LMO7: variants seen among roughly 807,000 people sequenced by gnomAD.
The protein encoded by LMO7 is LIM domain only protein 7.
In LMO7, 120 loss-of-function variants were observed where a neutral mutation model predicts 206.5. That is an observed-to-expected ratio of 0.58 (90% CI 0.50 to 0.68). The LOEUF is 0.68. LMO7 is among the 30% of genes least tolerant of loss of function. The pLI is 0.00. For missense variants in LMO7, 1,959 were observed against 1,957.9 expected (o/e 1.00, Z -0.01); for synonymous variants, 706 against 681.5 (o/e 1.04, Z -0.56).
At chr13:75,778,528 G>C (rs886357857) in intron 4 of LMO7, among the ~76,000 whole-genome samples, 1 of 152,220 alleles carries the variant, frequency 6.6e-6, no homozygotes, top group Non-Finnish European at 1.5e-5. Flanking sequence ...CACTGCGCCC[G>C]GCCAATCGAG....
chr13:75,736,051 G>T (rs2045795852), intron 3 of LMO7, among the ~76,000 whole-genome samples: 1 of 152,046 alleles, frequency 6.6e-6, no homozygotes, highest in South Asian at 2.1e-4. Flanking sequence ...GCCAGTGGAG[G>T]TTTTATTCAA....
chr13:75,628,417 A>T (rs1249961667), intron 2 of LMO7: 1 of 152,218 alleles, frequency 6.6e-6, no homozygotes, highest in Non-Finnish European at 1.5e-5. Flanking sequence ...CCAAGTATGG[A>T]ATTGAACCTT....
intron 1 of LMO7, among the ~76,000 whole-genome samples, chr13:75,673,122 A>AT (rs2039729819): frequency 6.6e-6 from 1 of 152,184 alleles, no homozygotes; most frequent in African/African-American, 2.4e-5. Context: ...ATCTGGAATA[A>AT]TTTAAGTGTG....
intron 3 of LMO7, among the ~76,000 whole-genome samples, chr13:75,758,751 T>C (rs906808922): frequency 2.0e-5 from 3 of 152,228 alleles, no homozygotes; most frequent in Non-Finnish European, 4.4e-5. Flanking sequence ...GTATGAAATA[T>C]GTGAAGAATC....
At chr13:75,693,291 A>C (rs1594320541) in intron 1 of LMO7, among the ~76,000 whole-genome samples, 1 of 152,388 alleles carries the variant, frequency 6.6e-6, no homozygotes, top group East Asian at 1.9e-4. Flanking sequence ...AATACAGATG[A>C]GTAAATAACA....
chr13:75,822,281 G>C (rs373367119), intron 14 of LMO7, among the ~76,000 whole-genome samples: 1 of 152,000 alleles, frequency 6.6e-6, no homozygotes, highest in African/African-American at 2.4e-5. Flanking sequence ...AACTCTAAAA[G>C]GGTATAAAAA....
chr13:75,729,970 G>C (rs566806174), intron 3 of LMO7, among the ~76,000 whole-genome samples: 1 of 152,160 alleles, frequency 6.6e-6, no homozygotes, highest in East Asian at 1.9e-4. Flanking sequence ...GCATCCCAGG[G>C]ATGAAGCCCA....
chr13:75,823,987 A>G, intron 15 of LMO7, 114 bp downstream of exon 15: 1 of 803,802 alleles, frequency 1.2e-6, no homozygotes, highest in South Asian at 1.8e-5. Context: ...GAAAATGTGC[A>G]AAATGATATT....
At chr13:75,621,735 T>C (rs767532483) in exon 1 of LMO7, 20 of 1,601,128 alleles carry the variant, frequency 1.2e-5, no homozygotes, top group Non-Finnish European at 1.5e-5. Flanking sequence ...CGTTTTACAG[T>C]TGGATGTCCT....
exon 2 of LMO7, chr13:75,623,281 G>T: frequency 7.0e-7 from 1 of 1,431,562 alleles, no homozygotes; most frequent in East Asian, 2.3e-5. Context: ...ATATAATTTT[G>T]AGGACTGAAC....
intron 3 of LMO7, among the ~76,000 whole-genome samples, chr13:75,737,192 C>T (rs1365367564): frequency 6.6e-6 from 1 of 152,048 alleles, no homozygotes. Flanking sequence ...AACACAGACA[C>T]ACAGGAAGAA....
chr13:75,685,256 G>C (rs2040873872), intron 1 of LMO7, among the ~76,000 whole-genome samples: 1 of 152,142 alleles, frequency 6.6e-6, no homozygotes, highest in African/African-American at 2.4e-5. Flanking sequence ...ACTCAGACAT[G>C]GACTTGGAGT....
At chr13:75,734,714 TG>T (rs1335348193) in intron 3 of LMO7, among the ~76,000 whole-genome samples, 3 of 152,232 alleles carry the variant, frequency 2.0e-5, no homozygotes, top group Non-Finnish European at 4.4e-5. Context: ...CCAGAGCAGC[TG>T]GGCTCAAATA....
intron 3 of LMO7, among the ~76,000 whole-genome samples, chr13:75,758,435 C>A (rs1485973084): frequency 6.6e-6 from 1 of 152,174 alleles, no homozygotes; most frequent in African/African-American, 2.4e-5. Context: ...CTTAGTACAA[C>A]CTCGTCCTGC....
intron 1 of LMO7, among the ~76,000 whole-genome samples, chr13:75,651,456 C>T (rs1025190400): frequency 3.3e-5 from 5 of 151,862 alleles, no homozygotes; most frequent in East Asian, 3.9e-4. Context: ...ACTACAGGCA[C>T]GTGCCACCAT....
rs1164988319 is a variant in LMO7, at chr13:75,838,175, C to G, written c.3430C>G (p.Arg1144Gly). Reference protein sequence around the residue: ...ESISLKNLKRRSQFFEQGSSD... With the variant: ...ESISLKNLKRGSQFFEQGSSD... ...CATTTCTTTGAAAAACTTAAAAAGG[C>G]GATCACAATTTTTTGAACAAGGTAA... The change falls in exon 20 of 31, where the codon CGA becomes GGA. Residue 1144 changes from arginine to glycine, a missense_variant. Coordinates refer to ENST00000377534, the MANE Select transcript of LMO7 (RefSeq NM_001306080.2). The G allele has an allele frequency of 6.2e-7, 1 of 1,605,258 alleles. No homozygotes were observed. Among genetic ancestry groups the G allele is most frequent in the Admixed American group, 1.7e-5 (1 of 59,856 alleles).
intron 28 of LMO7, chr13:75,855,028 G>A (rs2060805940): frequency 6.8e-6 from 3 of 444,010 alleles, no homozygotes; most frequent in Admixed American, 7.2e-5. Flanking sequence ...CACTGAAATT[G>A]CTCATTTATG....
At chr13:75,703,714 TTGTGTG>T (rs139490120) in intron 1 of LMO7, among the ~76,000 whole-genome samples, 1 of 147,582 alleles carries the variant, frequency 6.8e-6, no homozygotes, top group Non-Finnish European at 1.5e-5. Context: ...TTCAGGTTCT[TTGTGTG>T]TGTGTGTGTG....
chr13:75,659,606 C>T (rs544884562), intron 1 of LMO7, among the ~76,000 whole-genome samples: 11 of 152,164 alleles, frequency 7.2e-5, no homozygotes, highest in East Asian at 3.9e-4. Context: ...AAGAATAGCA[C>T]GGGAAAGACC....
Sources: gnomAD v4.1 joint callset for allele counts (sites outside exome capture counted in the v4.1 genomes callset) on GRCh38, gnomAD v4.1.1 for gene constraint, MANE v1.5 for transcripts, NCBI Gene and HGNC (gene_info 2026-07-23, HGNC 2026-07-21) for gene names.